The following L2HGDH variants were observed in gnomAD, a reference collection of about 807,000 sequenced individuals.
L2HGDH encodes L-2-hydroxyglutarate dehydrogenase, mitochondrial.
L2HGDH carries 34 observed loss-of-function variants against 51.5 expected under a neutral mutation model. That is an observed-to-expected ratio of 0.66 (90% CI 0.50 to 0.88). The LOEUF (loss-of-function observed/expected upper bound fraction) is 0.88. L2HGDH is among the 40% of genes least tolerant of loss of function. L2HGDH has a pLI of 0.00. For missense variants in L2HGDH, 558 were observed against 571.9 expected, an observed-to-expected ratio of 0.98 and a Z score of 0.25; for synonymous variants, 198 against 197.9, an observed-to-expected ratio of 1.00 and a Z score of -0.01.
chr14:50,261,643 A>G (rs1157023702), intron 9 of L2HGDH, among the ~76,000 whole-genome samples: 1 of 151,792 alleles, frequency 6.6e-6, no homozygotes, highest in Non-Finnish European at 1.5e-5. Context: ...CCACCTGCCC[A>G]GCTAATTAAA....
chr14:50,245,437 T>G lies in L2HGDH; in HGVS notation c.*1621A>C. The G allele has an allele frequency of 1.0e-6, 1 of 984,938 alleles. No individual in the cohort carries two copies. Among genetic ancestry groups the G allele is most frequent in the Non-Finnish European group, 1.2e-6 (1 of 829,458 alleles). The allele number at this position is 984,938 out of a possible 1,614,324, so 61.0% of individuals were successfully genotyped here. On this transcript the variant is annotated 3_prime_UTR_variant, in exon 10 of 10. Coordinates refer to ENST00000267436, the MANE Select transcript of L2HGDH (RefSeq NM_024884.3). ...CTGTTTAGATTTCATGATGATACCA[T>G]ACCACATCAGTTACAAAGAGACTGG...
At chr14:50,300,363 C>T (rs1324613426) in intron 3 of L2HGDH, among the ~76,000 whole-genome samples, 3 of 151,814 alleles carry the variant, frequency 2.0e-5, no homozygotes, top group Non-Finnish European at 4.4e-5. Context: ...GGTGTGGTCT[C>T]GCCTCACTGC....
In L2HGDH at chr14:50,269,165, G is replaced by A; in HGVS notation, c.904C>T (p.Pro302Ser). Residue 302 changes from proline to serine, a missense_variant and splice_region_variant, in exon 7 of 10, where the codon CCG becomes TCG. Transcript: ENST00000267436. ...AAGTAGGAAGCATCATTACCTACCG[G>A]ATAAATATTTCCTTTTACAAGATAA... ...KCYLVKGNIY[P>S]VPDSRFPFLG... 6.2e-7 allele frequency: 1 copy of A among 1,604,774 alleles called. No individual in the cohort carries two copies. The highest frequency in any genetic ancestry group is 8.5e-7 in the Non-Finnish European group (1 of 1,173,856).
chr14:50,305,132 T>C (rs2030652593), intron 1 of L2HGDH, among the ~76,000 whole-genome samples: 1 of 152,194 alleles, frequency 6.6e-6, no homozygotes, highest in Non-Finnish European at 1.5e-5. Context: ...ATAAATCAAA[T>C]CCTGCATCTT....
chr14:50,286,348 A>G (rs1023726918), intron 4 of L2HGDH, among the ~76,000 whole-genome samples: 2 of 152,074 alleles, frequency 1.3e-5, no homozygotes, highest in African/African-American at 4.8e-5. Context: ...CTCTGCAAGA[A>G]GTACTTTAAA....
At chr14:50,293,255 T>C (rs763925343) in intron 4 of L2HGDH, 724 of 702,332 alleles carry the variant, frequency 1.0e-3, no homozygotes, top group Non-Finnish European at 2.2e-4. Flanking sequence ...AATGGTTTTT[T>C]GATAAGTGAT....
At chr14:50,291,894 T>C (rs1890904018) in intron 4 of L2HGDH, among the ~76,000 whole-genome samples, 1 of 152,186 alleles carries the variant, frequency 6.6e-6, no homozygotes, top group African/African-American at 2.4e-5. Context: ...GCAGATAAAA[T>C]GTCTGGGTAT....
At chr14:50,259,010 C>G (rs1301220339) in intron 9 of L2HGDH, among the ~76,000 whole-genome samples, 1 of 121,508 alleles carries the variant, frequency 8.2e-6, no homozygotes, top group Admixed American at 8.6e-5. Flanking sequence ...ACGCCAGGCT[C>G]TTTTTTTTTT....
At chr14:50,261,999 A>C (rs1331691337) in intron 9 of L2HGDH, among the ~76,000 whole-genome samples, 1 of 152,186 alleles carries the variant, frequency 6.6e-6, no homozygotes, top group Non-Finnish European at 1.5e-5. Context: ...CACCCCACTG[A>C]AAGTGTTGCT....
At chr14:50,271,612 G>A (rs1215641225) in intron 6 of L2HGDH, among the ~76,000 whole-genome samples, 1 of 152,086 alleles carries the variant, frequency 6.6e-6, no homozygotes, top group Non-Finnish European at 1.5e-5. Context: ...AGGCCAAAGT[G>A]GGAGGATCAC....
At chr14:50,306,396 G>A (rs1456663967) in intron 1 of L2HGDH, among the ~76,000 whole-genome samples, 1 of 152,080 alleles carries the variant, frequency 6.6e-6, no homozygotes, top group African/African-American at 2.4e-5. Flanking sequence ...TTACATGGCA[G>A]TGTGTGTATA....
chr14:50,279,771 T>C (rs1890162528), intron 5 of L2HGDH, among the ~76,000 whole-genome samples: 1 of 151,748 alleles, frequency 6.6e-6, no homozygotes, highest in African/African-American at 2.4e-5. Context: ...TCTTGAAACA[T>C]ACAAGCAGGC....
chr14:50,268,369 A>G (rs566004930), intron 7 of L2HGDH, among the ~76,000 whole-genome samples: 7 of 150,078 alleles, frequency 4.7e-5, no homozygotes, highest in Non-Finnish European at 1.0e-4. Context: ...ACAGAGTGAG[A>G]ATCTGTCTCA....
At chr14:50,256,284 G>T (rs1367244407) in intron 9 of L2HGDH, among the ~76,000 whole-genome samples, 3 of 152,022 alleles carry the variant, frequency 2.0e-5, no homozygotes, top group African/African-American at 7.2e-5. Flanking sequence ...GGAGGATGAG[G>T]CAGGAGAATC....
chr14:50,311,384 A>T (rs1269791311), intron 1 of L2HGDH: 3 of 455,948 alleles, frequency 6.6e-6, no homozygotes, highest in African/African-American at 6.0e-5. Flanking sequence ...TAGTCGTCAA[A>T]ATAGCCAAAA....
chr14:50,295,016 C>T (rs1436473013), intron 3 of L2HGDH, among the ~76,000 whole-genome samples: 1 of 152,080 alleles, frequency 6.6e-6, no homozygotes, highest in Non-Finnish European at 1.5e-5. Flanking sequence ...ACCTTAAAAA[C>T]AGAAGTGGAA....
At chr14:50,278,983 G>A (rs1171413278) in intron 5 of L2HGDH, among the ~76,000 whole-genome samples, 3 of 152,144 alleles carry the variant, frequency 2.0e-5, no homozygotes, top group African/African-American at 7.2e-5. Context: ...AAAAGCAAGA[G>A]TTCTCACAAC....
At chr14:50,284,178 C>T (rs931372240) in intron 4 of L2HGDH, 145 bp from the exon 5 acceptor site, 2 of 711,314 alleles carry the variant, frequency 2.8e-6, no homozygotes, top group African/African-American at 1.8e-5. Flanking sequence ...TTTTTCTTTT[C>T]CATTTATTAT....
intron 3 of L2HGDH, among the ~76,000 whole-genome samples, chr14:50,301,206 C>A (rs1407562593): frequency 1.3e-5 from 2 of 152,120 alleles, no homozygotes; most frequent in Admixed American, 6.6e-5. Flanking sequence ...AATTGGAATC[C>A]TTATTAATTA....
Sources: allele counts gnomAD v4.1 joint callset (sites outside exome capture counted in the v4.1 genomes callset), GRCh38; gene constraint gnomAD v4.1.1; transcripts MANE v1.5; gene names NCBI Gene and HGNC (gene_info 2026-07-23, HGNC 2026-07-21).